Variants in PRKAR1A observed in about 807,000 individuals in gnomAD.
PRKAR1A encodes the protein cAMP-dependent protein kinase type I-alpha regulatory subunit.
In PRKAR1A, 3 loss-of-function variants were observed where a neutral mutation model predicts 52.0. The observed-to-expected ratio is 0.06, with a 90% CI of 0.03 to 0.15. The LOEUF is 0.15. Ranked by LOEUF, PRKAR1A falls within the 10% of genes least tolerant of loss-of-function variation. The pLI, the probability that PRKAR1A is intolerant of heterozygous loss-of-function variation, is 1.00. For synonymous variants in PRKAR1A, 188 were observed against 168.4 expected (o/e 1.12, Z -0.90); for missense variants, 240 against 477.4 (o/e 0.50, Z 4.63).
At chr17:68,486,512 T>C in the PRKAR1A span, among the ~76,000 whole-genome samples, 4,541 of 60,506 alleles carry the variant, frequency 0.075, 141 homozygotes, top group Middle Eastern at 0.1. Context: ...CTTCCTTCTT[T>C]CTTTCTTTCT....
Position 68,539,188 on chromosome 17 carries a change from A to C in PRKAR1A, c.973+9187A>C, listed in dbSNP as rs1056598344. The C allele has an allele frequency of 6.8e-6, 5 of 732,082 alleles. No individual in the cohort carries two copies. The Admixed American group carries it at 8.2e-5, about 12-fold the overall frequency. The allele number at this position is 732,082 out of a possible 1,614,324, so 45.3% of individuals were successfully genotyped here. A position where few individuals can be genotyped will look rare whatever the true frequency, so the allele number is the denominator to read the frequency against. On this transcript the variant is annotated intron_variant, in intron 11 of 11. Coordinates refer to the PRKAR1A transcript ENST00000585981. ...TTGGCTGAGATGTCATGCAGTGCAC[A>C]AATGTGTAGGAAATAAGGTGATTCA...
chr17:68,496,820 T>TTTTTTTTC, the PRKAR1A span, among the ~76,000 whole-genome samples: 1 of 83,176 alleles, frequency 1.2e-5, no homozygotes, highest in Non-Finnish European at 2.2e-5. Flanking sequence ...AGTTTTTACT[T>TTTTTTTTC]TTTTTTTTTT....
chr17:68,539,341 A>G lies in PRKAR1A; in HGVS notation c.973+9340A>G, dbSNP rs2086191711. 2 of 1,614,250 alleles carry G rather than the reference A, an allele frequency of 1.2e-6. No homozygotes were observed. Among genetic ancestry groups the G allele is most frequent in the Non-Finnish European group, 1.7e-6 (2 of 1,180,036 alleles). ...ATCTGCTGCAGGAAAACTTACATGC[A>G]GCACTGGGAGAGAGGCGAGAGGATG... On this transcript the variant is annotated intron_variant, in intron 11 of 11. Coordinates refer to the PRKAR1A transcript ENST00000585981.
At chr17:68,518,994 C>G (rs1391388931) in intron 2 of PRKAR1A, among the ~76,000 whole-genome samples, 1 of 152,212 alleles carries the variant, frequency 6.6e-6, no homozygotes, top group African/African-American at 2.4e-5. Context: ...TTCCTCATCT[C>G]CATCTGAGAC....
chr17:68,523,261 T>C (rs1335879917), intron 3 of PRKAR1A, among the ~76,000 whole-genome samples: 1 of 152,230 alleles, frequency 6.6e-6, no homozygotes, highest in East Asian at 1.9e-4. Context: ...TTTAACCTTT[T>C]ATTCTACGAG....
At chr17:68,508,415 G>A (rs543708247), upstream of PRKAR1A, among the ~76,000 whole-genome samples, 333 of 152,230 alleles carry the variant, frequency 2.2e-3, 3 homozygotes, top group African/African-American at 7.8e-3. Flanking sequence ...ATTCTCCTAC[G>A]CATATTAACA....
In PRKAR1A at chr17:68,550,164, A is replaced by C. The variant is rs145008940; in HGVS notation, c.974-920A>C. The stretch of plus-strand genomic sequence containing the variant: ...TTGACTCTAAGTGATGATGACAACC[A>C]ATTCCCCAAATTTTTGACAAGTAAA... On this transcript the variant is annotated intron_variant, in intron 11 of 11. Transcript: ENST00000585981. Among the ~76,000 whole-genome samples the C allele has an allele frequency of 6.6e-4, 100 of 152,260 alleles. No homozygotes were observed. The Middle Eastern group carries it at 0.01, about 16-fold the overall frequency.
At chr17:68,527,188 A>C (rs1296284422) in intron 7 of PRKAR1A, among the ~76,000 whole-genome samples, 1 of 152,230 alleles carries the variant, frequency 6.6e-6, no homozygotes, top group African/African-American at 2.4e-5. Flanking sequence ...AGGGCCTCAC[A>C]ATGCTTTGGC....
chr17:68,512,834 C>T (rs769391414), intron 1 of PRKAR1A: 132 of 152,012 alleles, frequency 8.7e-4, no homozygotes, highest in Non-Finnish European at 1.7e-3. Flanking sequence ...GGCCCTGGGC[C>T]CTCCGCGGCC....
At chr17:68,526,544 G>A (rs545247388) in intron 7 of PRKAR1A, among the ~76,000 whole-genome samples, 1 of 152,248 alleles carries the variant, frequency 6.6e-6, no homozygotes, top group African/African-American at 2.4e-5. Flanking sequence ...TGTACAGCCT[G>A]ATGTACTTTG....
the PRKAR1A span, among the ~76,000 whole-genome samples, chr17:68,425,494 T>A: frequency 6.6e-6 from 1 of 151,672 alleles, no homozygotes; most frequent in Non-Finnish European, 1.5e-5. Context: ...GTGCTGGGAT[T>A]ACAGGTGTGA....
At chr17:68,423,022 G>T in the PRKAR1A span, among the ~76,000 whole-genome samples, 1 of 152,192 alleles carries the variant, frequency 6.6e-6, no homozygotes, top group Non-Finnish European at 1.5e-5. This position sits in a 1 kb window ranked among gnomAD's most constrained non-coding sequence, Gnocchi z 4.4. Flanking sequence ...AAGATCACTA[G>T]TGATGACCCG....
Position 68,532,256 on chromosome 17 carries a change from CTTTG to C in PRKAR1A, c.*1811_*1814del. 1 of 1,044,786 alleles carries C rather than the reference CTTTG, an allele frequency of 9.6e-7. No individual in the cohort carries two copies. Among genetic ancestry groups the C allele is most frequent in the Non-Finnish European group, 1.2e-6 (1 of 860,594 alleles). 64.7% of individuals were successfully genotyped at this position (1,044,786 alleles called of 1,614,324 possible). ...TTACAAGCTTAAAGCTTGATTTGAT[CTTTG>C]TTTAAATGCCAAAATGTACTTAAAT... On this transcript the variant is annotated 3_prime_UTR_variant, in exon 11 of 11. Coordinates refer to ENST00000589228, the MANE Select transcript of PRKAR1A (RefSeq NM_002734.5).
chr17:68,541,964 G>A, intron 11 of PRKAR1A: 1 of 1,609,264 alleles, frequency 6.2e-7, no homozygotes, highest in Non-Finnish European at 8.5e-7. Flanking sequence ...ACTGGGCTGT[G>A]TGGCCTGGGG....
chr17:68,540,278 A>G (rs1009766896), intron 11 of PRKAR1A, among the ~76,000 whole-genome samples: 4 of 152,190 alleles, frequency 2.6e-5, no homozygotes, highest in Admixed American at 2.6e-4. Context: ...TCGTGTATGT[A>G]TTGACATTGG....
At chr17:68,486,390 T>TTC in the PRKAR1A span, among the ~76,000 whole-genome samples, 2 of 1,044 alleles carry the variant, frequency 1.9e-3, no homozygotes, top group East Asian at 0.043. Context: ...TTCTTTCTCT[T>TTC]TCTTTCTTTC....
chr17:68,453,109 G>C, the PRKAR1A span: 2 of 734,640 alleles, frequency 2.7e-6, no homozygotes, highest in African/African-American at 3.5e-5. Context: ...GCATCTGCAG[G>C]AGCTTAGATC....
intron 11 of PRKAR1A, chr17:68,540,571 T>G (rs1568719627): frequency 1.8e-6 from 1 of 544,468 alleles, no homozygotes; most frequent in Admixed American, 2.2e-5. Flanking sequence ...CTTGGTGAAG[T>G]GAACATACAG....
At chr17:68,489,213 TA>T in the PRKAR1A span, among the ~76,000 whole-genome samples, 1 of 51,602 alleles carries the variant, frequency 1.9e-5, no homozygotes, top group Admixed American at 3.1e-4. Context: ...TATATATATA[TA>T]TATATATATA....
Sources: gnomAD v4.1 joint callset for allele counts (sites outside exome capture counted in the v4.1 genomes callset) on GRCh38, gnomAD v4.1.1 for gene constraint, Gnocchi (gnomAD v3.1) non-coding constraint, MANE v1.5 for transcripts, NCBI Gene and HGNC (gene_info 2026-07-23, HGNC 2026-07-21) for gene names.